KCNMB2: variants seen among roughly 807,000 people sequenced by gnomAD.
KCNMB2 encodes the protein calcium-activated potassium channel subunit beta-2.
KCNMB2 carries 9 observed loss-of-function variants against 24.5 expected under a neutral mutation model. That is an observed-to-expected ratio of 0.37 (90% CI 0.22 to 0.64). KCNMB2 has a LOEUF of 0.64. KCNMB2 is among the 30% of genes least tolerant of loss of function. KCNMB2 has a pLI of 0.63. For synonymous variants in KCNMB2, 109 were observed against 104.4 expected (o/e 1.04, Z -0.27); for missense variants, 226 against 284.3 (o/e 0.79, Z 1.47).
intron 1 of KCNMB2, among the ~76,000 whole-genome samples, chr3:178,802,447 G>C (rs140603254): frequency 5.1e-4 from 78 of 152,210 alleles, no homozygotes; most frequent in African/African-American, 1.8e-3. Context: ...ACTTGTCCTT[G>C]CAGCTGTCAC....
chr3:178,664,425 C>T (rs1422911913), intron 1 of KCNMB2, among the ~76,000 whole-genome samples: 1 of 152,032 alleles, frequency 6.6e-6, no homozygotes, highest in Non-Finnish European at 1.5e-5. Context: ...GGGGATGATT[C>T]TAAAGTCAAA....
At chr3:178,702,713 A>T (rs1052223240) in intron 1 of KCNMB2, among the ~76,000 whole-genome samples, 2 of 152,214 alleles carry the variant, frequency 1.3e-5, no homozygotes, top group Non-Finnish European at 2.9e-5. Context: ...GTGCTAAAAA[A>T]CAGTTAATCA....
At chr3:178,569,582 C>T (rs1201058250) in intron 1 of KCNMB2, among the ~76,000 whole-genome samples, 2 of 152,134 alleles carry the variant, frequency 1.3e-5, no homozygotes, top group Non-Finnish European at 2.9e-5. Context: ...TTACAACCGC[C>T]GGACTGCCTC....
chr3:178,603,125 A>T (rs1718148859), intron 1 of KCNMB2, among the ~76,000 whole-genome samples: 1 of 152,154 alleles, frequency 6.6e-6, no homozygotes, highest in Non-Finnish European at 1.5e-5. Flanking sequence ...AGTCAGAAGG[A>T]TTATGTTACT....
chr3:178,546,827 T>C (rs1313141191), intron 1 of KCNMB2, among the ~76,000 whole-genome samples: 1 of 152,182 alleles, frequency 6.6e-6, no homozygotes, highest in Non-Finnish European at 1.5e-5. Context: ...GACTGCAGTG[T>C]TGTGATCAAA....
At chr3:178,630,907 T>C (rs1369217478) in intron 1 of KCNMB2, among the ~76,000 whole-genome samples, 1 of 152,230 alleles carries the variant, frequency 6.6e-6, no homozygotes, top group African/African-American at 2.4e-5. Context: ...CCAAGCCTAA[T>C]CAGCTTTAGT....
At chr3:178,583,843 A>C (rs1166817864) in intron 1 of KCNMB2, among the ~76,000 whole-genome samples, 1 of 152,210 alleles carries the variant, frequency 6.6e-6, no homozygotes, top group Non-Finnish European at 1.5e-5. Flanking sequence ...TTTGACTTCC[A>C]ATAGCAAGCT....
chr3:178,666,937 A>G (rs1405321425), intron 1 of KCNMB2, among the ~76,000 whole-genome samples: 1 of 152,194 alleles, frequency 6.6e-6, no homozygotes, highest in Non-Finnish European at 1.5e-5. Context: ...AAAATGATGT[A>G]GTATTTGCAC....
At chr3:178,770,028 C>T (rs1712280438) in intron 1 of KCNMB2, among the ~76,000 whole-genome samples, 1 of 152,042 alleles carries the variant, frequency 6.6e-6, no homozygotes, top group Admixed American at 6.5e-5. Context: ...AAAAGGAATA[C>T]CAATAGGATG....
At chr3:178,645,138 C>G (rs1719874791) in intron 1 of KCNMB2, among the ~76,000 whole-genome samples, 1 of 150,386 alleles carries the variant, frequency 6.6e-6, no homozygotes, top group Non-Finnish European at 1.5e-5. Flanking sequence ...ACAACCTCTG[C>G]CACCCGGGTT....
intron 1 of KCNMB2, among the ~76,000 whole-genome samples, chr3:178,719,662 T>C (rs1722730769): frequency 6.6e-6 from 1 of 152,238 alleles, no homozygotes; most frequent in Non-Finnish European, 1.5e-5. Flanking sequence ...CATTGCAAAC[T>C]GGAGACATAA....
chr3:178,667,104 T>A (rs2108577665), intron 1 of KCNMB2, among the ~76,000 whole-genome samples: 1 of 152,250 alleles, frequency 6.6e-6, no homozygotes, highest in Admixed American at 6.5e-5. Context: ...TCAAACATTT[T>A]TAATCCATGG....
chr3:178,823,020 T>G (rs778899258), intron 2 of KCNMB2, among the ~76,000 whole-genome samples: 1 of 152,220 alleles, frequency 6.6e-6, no homozygotes, highest in Non-Finnish European at 1.5e-5. Context: ...AACAGCAGAT[T>G]ATTATTTTAC....
At chr3:178,778,456 A>ACACACACG (rs1491117300) in intron 1 of KCNMB2, among the ~76,000 whole-genome samples, 1 of 6,300 alleles carries the variant, frequency 1.6e-4, no homozygotes, top group Non-Finnish European at 2.8e-4. Context: ...ACCCTTTAAG[A>ACACACACG]CACACACACA....
intron 1 of KCNMB2, among the ~76,000 whole-genome samples, chr3:178,723,567 G>T (rs751277330): frequency 6.6e-6 from 1 of 152,090 alleles, no homozygotes; most frequent in African/African-American, 2.4e-5. Flanking sequence ...TGAAGTTGGG[G>T]ATTCTAAGGA....
intron 1 of KCNMB2, among the ~76,000 whole-genome samples, chr3:178,634,264 C>G (rs1719431810): frequency 1.3e-5 from 2 of 152,278 alleles, no homozygotes; most frequent in South Asian, 4.1e-4. Flanking sequence ...CAGCAGCACT[C>G]CACTCTCTGC....
chr3:178,798,749 C>A (rs1030965464), intron 1 of KCNMB2, among the ~76,000 whole-genome samples: 1 of 151,834 alleles, frequency 6.6e-6, no homozygotes. Context: ...GGAGGGAGAG[C>A]ATTGGGAAAA....
intron 1 of KCNMB2, among the ~76,000 whole-genome samples, chr3:178,648,868 C>T (rs1720010501): frequency 6.6e-6 from 1 of 152,176 alleles, no homozygotes; most frequent in African/African-American, 2.4e-5. Flanking sequence ...CTTGGCAAAG[C>T]ATGGCATTAT....
At chr3:178,638,700 G>A (rs963001930) in intron 1 of KCNMB2, among the ~76,000 whole-genome samples, 2 of 152,192 alleles carry the variant, frequency 1.3e-5, no homozygotes, top group Non-Finnish European at 2.9e-5. Context: ...AGTCTCATCA[G>A]AGGAGACAGA....
Sources: gnomAD v4.1 joint callset for allele counts (sites outside exome capture counted in the v4.1 genomes callset) on GRCh38, gnomAD v4.1.1 for gene constraint, MANE v1.5 for transcripts, NCBI Gene and HGNC (gene_info 2026-07-23, HGNC 2026-07-21) for gene names.